Variants in NOX4 observed in about 807,000 individuals in gnomAD.
NOX4 encodes NADPH oxidase 4.
In NOX4, 69 loss-of-function variants were observed where a neutral mutation model predicts 87.6. The ratio of observed to expected loss-of-function variants is 0.79; its 90% CI spans 0.65 to 0.96. The LOEUF is 0.96. Ranked by LOEUF, NOX4 falls within the 40% of genes least tolerant of loss-of-function variation. The pLI is 0.00. For synonymous variants in NOX4, 275 were observed against 238.2 expected (o/e 1.15, Z -1.42); for missense variants, 680 against 681.5 (o/e 1.00, Z 0.02).
chr11:89,451,739 C>A, intron 3 of NOX4, 46 bp downstream of exon 3: 1 of 1,319,808 alleles, frequency 7.6e-7, no homozygotes, highest in Non-Finnish European at 1.1e-6. Flanking sequence ...GACTGTTACA[C>A]TTGATTTTTA....
intron 2 of NOX4, among the ~76,000 whole-genome samples, chr11:89,474,458 C>CAAAAAAAAAAAAAAAAAAAA (rs67342388): frequency 1.0e-5 from 1 of 97,046 alleles, no homozygotes; most frequent in Non-Finnish European, 2.2e-5. Context: ...TCTATAATAC[C>CAAAAAAAAAAAAAAAAAAAA]AAAAAAAAAA....
intron 2 of NOX4, among the ~76,000 whole-genome samples, chr11:89,477,430 C>T (rs1801966550): frequency 6.6e-6 from 1 of 152,136 alleles, no homozygotes; most frequent in African/African-American, 2.4e-5. Flanking sequence ...TTTTGCTTGC[C>T]TGCCAGCTGC....
intron 12 of NOX4, among the ~76,000 whole-genome samples, chr11:89,355,264 C>A: frequency 6.8e-6 from 1 of 147,920 alleles, no homozygotes. Context: ...ATATTTTAAT[C>A]ATAAATATAT....
chr11:89,530,344 C>CTTTTTTT, the NOX4 span, among the ~76,000 whole-genome samples: 3 of 127,824 alleles, frequency 2.3e-5, no homozygotes, highest in Non-Finnish European at 3.2e-5. Flanking sequence ...GATGTCTATT[C>CTTTTTTT]TTTTTTTTTT....
intron 2 of NOX4, among the ~76,000 whole-genome samples, chr11:89,461,682 T>C (rs369751380): frequency 1.5e-5 from 1 of 65,620 alleles, no homozygotes. Context: ...GAAGAAAATA[T>C]TTAAATCCAA....
chr11:89,408,521 C>T (rs1942307983), intron 8 of NOX4, among the ~76,000 whole-genome samples: 1 of 152,152 alleles, frequency 6.6e-6, no homozygotes, highest in South Asian at 2.1e-4. Context: ...CAGTGTGCCT[C>T]AGGAAATCCT....
intron 11 of NOX4, among the ~76,000 whole-genome samples, chr11:89,398,605 A>G (rs1211583893): frequency 6.6e-6 from 1 of 151,172 alleles, no homozygotes; most frequent in Non-Finnish European, 1.5e-5. Flanking sequence ...TTTCATGTAT[A>G]TGGGATGTAT....
chr11:89,513,905 C>CA, the NOX4 span, among the ~76,000 whole-genome samples: 1 of 151,882 alleles, frequency 6.6e-6, no homozygotes, highest in Non-Finnish European at 1.5e-5. Context: ...TATGGGGTTA[C>CA]AATTTATGTT....
intron 7 of NOX4, among the ~76,000 whole-genome samples, chr11:89,425,262 A>T (rs949066008): frequency 6.6e-6 from 1 of 152,028 alleles, no homozygotes; most frequent in Admixed American, 6.6e-5. Context: ...CTTTCTGTAC[A>T]CCAATTTTTC....
the NOX4 span, among the ~76,000 whole-genome samples, chr11:89,556,187 AAATG>A: frequency 6.6e-6 from 1 of 152,140 alleles, no homozygotes; most frequent in African/African-American, 2.4e-5. Context: ...TTGAATAAAT[AAATG>A]ATCATATGGG....
the NOX4 span, among the ~76,000 whole-genome samples, chr11:89,543,458 C>T: frequency 3.4e-4 from 52 of 152,016 alleles, no homozygotes; most frequent in Non-Finnish European, 6.6e-4. Context: ...AACATGGCTA[C>T]GAATTAGAGA....
At chr11:89,560,962 G>A in the NOX4 span, among the ~76,000 whole-genome samples, 23,239 of 47,638 alleles carry the variant, frequency 0.49, 7,189 homozygotes, top group East Asian at 0.63. Flanking sequence ...ATCTCATCTC[G>A]TCTCTCTCTC....
At chr11:89,434,843 A>C (rs1943998092) in intron 6 of NOX4, among the ~76,000 whole-genome samples, 1 of 152,134 alleles carries the variant, frequency 6.6e-6, no homozygotes, top group Admixed American at 6.6e-5. Context: ...TAGACTGAAT[A>C]AAAGAAGCTA....
intron 13 of NOX4, among the ~76,000 whole-genome samples, chr11:89,349,205 T>C (rs1052284982): frequency 6.6e-6 from 1 of 152,028 alleles, no homozygotes; most frequent in Non-Finnish European, 1.5e-5. Context: ...AAGAATTGCT[T>C]GAACCCGGGA....
At position 89,356,744 on chromosome 11, in the gene NOX4, G is replaced by A. The variant is rs1938090897; in HGVS notation, c.1136-1701C>T. On this transcript the variant is annotated intron_variant, in intron 12 of 17. Coordinates refer to ENST00000263317, the MANE Select transcript of NOX4 (RefSeq NM_016931.5). ...CCCTCTTTCTTCTTCTAGTAGATGA[G>A]TATTGTGCCACCAAGATACAGAACA... Among the ~76,000 whole-genome samples, 3 of 151,912 alleles carry A rather than the reference G, an allele frequency of 2.0e-5. No individual in the cohort carries two copies. The South Asian group carries it at 6.3e-4, about 32-fold the overall frequency.
At chr11:89,475,701 G>A (rs1004259641) in intron 2 of NOX4, among the ~76,000 whole-genome samples, 7 of 152,048 alleles carry the variant, frequency 4.6e-5, no homozygotes, top group Non-Finnish European at 1.5e-5. Context: ...TAGGAACAGG[G>A]AAGAGATAAA....
chr11:89,482,914 T>C (rs1021954438), intron 2 of NOX4, among the ~76,000 whole-genome samples: 6 of 152,048 alleles, frequency 3.9e-5, no homozygotes, highest in Non-Finnish European at 8.8e-5. Flanking sequence ...GAACCTCACC[T>C]GGAAAGCAGA....
At chr11:89,404,306 C>T (rs533525315) in intron 8 of NOX4, among the ~76,000 whole-genome samples, 1 of 152,162 alleles carries the variant, frequency 6.6e-6, no homozygotes, top group Non-Finnish European at 1.5e-5. Flanking sequence ...AAACCCCAAG[C>T]ATTTATTCTA....
chr11:89,435,521 C>T (rs970098246), intron 6 of NOX4, among the ~76,000 whole-genome samples: 5 of 151,976 alleles, frequency 3.3e-5, no homozygotes, highest in Non-Finnish European at 5.9e-5. Flanking sequence ...CTTAAAAAGT[C>T]ACAGGGTACA....
Sources: gnomAD v4.1 joint callset for allele counts (sites outside exome capture counted in the v4.1 genomes callset) on GRCh38, gnomAD v4.1.1 for gene constraint, MANE v1.5 for transcripts, NCBI Gene and HGNC (gene_info 2026-07-23, HGNC 2026-07-21) for gene names.